ETV1: variants seen among roughly 807,000 people sequenced by gnomAD.
ETV1 encodes the protein ETS variant transcription factor 1.
Under a neutral mutation model 62.3 loss-of-function variants are expected in ETV1, and 27 were observed. That is an observed-to-expected ratio of 0.43 (90% confidence interval 0.32 to 0.60). The LOEUF (loss-of-function observed/expected upper bound fraction) is 0.60, where lower values mean the gene tolerates loss of function less well. Among genes scored for constraint, ETV1 ranks in the 20% least tolerant of loss-of-function variants. ETV1 has a pLI of 0.06. For synonymous variants in ETV1, 222 were observed against 199.6 expected (o/e 1.11, Z -0.94); for missense variants, 605 against 605.8 (o/e 1.00, Z 0.01).
At chr7:13,912,420 T>C (rs1420431519) in intron 9 of ETV1, among the ~76,000 whole-genome samples, 1 of 152,184 alleles carries the variant, frequency 6.6e-6, no homozygotes, top group Non-Finnish European at 1.5e-5. Flanking sequence ...TCTATTCAAA[T>C]GGCTGATTTG....
At chr7:13,904,041 C>T (rs1254100680) in intron 12 of ETV1, among the ~76,000 whole-genome samples, 1 of 152,066 alleles carries the variant, frequency 6.6e-6, no homozygotes, top group African/African-American at 2.4e-5. Context: ...ACTGTGCTGA[C>T]ACAGGCACCC....
intron 9 of ETV1, among the ~76,000 whole-genome samples, chr7:13,916,586 C>T (rs7781901): frequency 0.052 from 7,866 of 151,892 alleles, 239 homozygotes; most frequent in South Asian, 0.11. Flanking sequence ...TTCAGTAAGC[C>T]GAGATCGCGC....
intron 5 of ETV1, among the ~76,000 whole-genome samples, chr7:13,977,971 CATATTTTAAG>C (rs1200977282): frequency 1.3e-5 from 2 of 152,014 alleles, no homozygotes; most frequent in African/African-American, 4.8e-5. Context: ...CAAAATACAC[CATATTTTAAG>C]ATGCTTGCAC....
chr7:13,901,066 G>A (rs1468432985), intron 12 of ETV1, among the ~76,000 whole-genome samples: 5 of 150,480 alleles, frequency 3.3e-5, no homozygotes, highest in Admixed American at 6.6e-5. Context: ...GTGCAGTGGC[G>A]CGAACTTGGC....
At chr7:13,946,383 T>G (rs1788165703) in intron 6 of ETV1, among the ~76,000 whole-genome samples, 1 of 152,216 alleles carries the variant, frequency 6.6e-6, no homozygotes, top group African/African-American at 2.4e-5. Flanking sequence ...TAATGATCAC[T>G]TGAGTTCTTC....
At position 13,893,008 on chromosome 7, in the gene ETV1, T is replaced by C. The variant is rs548529173; in HGVS notation, c.*2858A>G. 8 of 232,852 alleles carry C rather than the reference T, an allele frequency of 3.4e-5. No individual in the cohort carries two copies. The South Asian group carries it at 7.2e-4, about 21-fold the overall frequency. 14.4% of individuals were successfully genotyped at this position (232,852 alleles called of 1,614,324 possible). A position where few individuals can be genotyped will look rare whatever the true frequency, so the allele number is the denominator to read the frequency against. On this transcript the variant is annotated 3_prime_UTR_variant, in exon 14 of 14. Coordinates refer to ENST00000430479, the MANE Select transcript of ETV1 (RefSeq NM_004956.5). The stretch of plus-strand genomic sequence containing the variant: ...CTAGACCTCCAAGATCCGCCCATGA[T>C]TTGAGAAAAATGTTCTGCACTGTCA...
At chr7:13,978,148 C>T (rs1217313055) in intron 5 of ETV1, among the ~76,000 whole-genome samples, 1 of 152,074 alleles carries the variant, frequency 6.6e-6, no homozygotes, top group Admixed American at 6.6e-5. Flanking sequence ...AAAATATTTT[C>T]CTGGCAACTA....
chr7:13,909,752 A>G, intron 10 of ETV1, 52 bp from the exon 11 acceptor site: 2 of 1,417,050 alleles, frequency 1.4e-6, no homozygotes, highest in Non-Finnish European at 2.0e-6. Context: ...AAGCTCACAA[A>G]CACTTAAAAT....
chr7:13,974,029 G>T (rs1296604184), intron 6 of ETV1, among the ~76,000 whole-genome samples: 1 of 152,104 alleles, frequency 6.6e-6, no homozygotes, highest in Non-Finnish European at 1.5e-5. Context: ...GTACCCTCAA[G>T]AAGTTCACAA....
chr7:13,931,837 C>A (rs961951498), intron 8 of ETV1, 88 bp from the exon 9 acceptor site: 1 of 1,487,740 alleles, frequency 6.7e-7, no homozygotes, highest in East Asian at 2.3e-5. Context: ...TCTTAGTGAA[C>A]GAACATGATA....
At chr7:13,958,249 G>A (rs746435148) in intron 6 of ETV1, among the ~76,000 whole-genome samples, 17 of 151,964 alleles carry the variant, frequency 1.1e-4, no homozygotes, top group Non-Finnish European at 2.4e-4. Flanking sequence ...CCAATAACAC[G>A]ACATTTTCAT....
In ETV1 at chr7:13,910,929, C is replaced by T. The variant is rs1233590687; in HGVS notation, c.871+310G>A. ...CAAAACCAAATATTCCTCAAAGATACATTTCAGTAGTAGTAAAGTGGGCTA... is the reference window on the plus strand; with the variant it reads ...CAAAACCAAATATTCCTCAAAGATATATTTCAGTAGTAGTAAAGTGGGCTA... On this transcript the variant is annotated intron_variant, in intron 10 of 13. Coordinates refer to ENST00000430479, the MANE Select transcript of ETV1 (RefSeq NM_004956.5). Among the ~76,000 whole-genome samples the T allele has an allele frequency of 1.2e-4, 18 of 152,130 alleles. 1 individual carries two copies.
At chr7:13,899,489 G>C (rs1782191856) in intron 13 of ETV1, among the ~76,000 whole-genome samples, 1 of 152,170 alleles carries the variant, frequency 6.6e-6, no homozygotes, top group Non-Finnish European at 1.5e-5. Flanking sequence ...AAAGTCAACA[G>C]TGCTATTTTT....
intron 5 of ETV1, among the ~76,000 whole-genome samples, chr7:13,979,525 A>C (rs191670224): frequency 6.6e-6 from 1 of 152,242 alleles, no homozygotes; most frequent in Non-Finnish European, 1.5e-5. Flanking sequence ...GTAAGTCTTC[A>C]TATCAAAAAA....
intron 6 of ETV1, among the ~76,000 whole-genome samples, chr7:13,965,352 C>A (rs1438035731): frequency 6.6e-6 from 1 of 152,194 alleles, no homozygotes. Context: ...TGAGACAAAC[C>A]TCTATTGGAA....
chr7:13,949,716 CA>C (rs1788578330), intron 6 of ETV1, among the ~76,000 whole-genome samples: 1 of 152,122 alleles, frequency 6.6e-6, no homozygotes. Context: ...TGTGACAAAA[CA>C]AGCGATAACA....
chr7:13,903,005 G>C (rs886229187), intron 12 of ETV1, among the ~76,000 whole-genome samples: 2 of 152,134 alleles, frequency 1.3e-5, no homozygotes, highest in East Asian at 1.9e-4. Context: ...CAAGACAAAA[G>C]TTATAAATTA....
chr7:13,911,341 C>T, intron 9 of ETV1, 34 bp from the exon 10 acceptor site: 4 of 1,508,028 alleles, frequency 2.7e-6, no homozygotes, highest in Non-Finnish European at 3.7e-6. Flanking sequence ...CAAAAAGAGT[C>T]TGGAGCTGAA....
chr7:13,953,668 TG>T (rs1456341237), intron 6 of ETV1, among the ~76,000 whole-genome samples: 1 of 147,180 alleles, frequency 6.8e-6, no homozygotes, highest in African/African-American at 2.5e-5. Flanking sequence ...CATAAGAACA[TG>T]TTAAAAAAAA....
Sources: gnomAD v4.1 joint callset for allele counts (sites outside exome capture counted in the v4.1 genomes callset) on GRCh38, gnomAD v4.1.1 for gene constraint, MANE v1.5 for transcripts, NCBI Gene and HGNC (gene_info 2026-07-23, HGNC 2026-07-21) for gene names.